TLE4: variants seen among roughly 807,000 people sequenced by gnomAD.
TLE4 encodes the protein TLE family member 4, transcriptional corepressor.
In TLE4, 8 loss-of-function variants were observed where a neutral mutation model predicts 92.8. The observed-to-expected ratio is 0.09, with a 90% CI of 0.05 to 0.16. The LOEUF (loss-of-function observed/expected upper bound fraction) is 0.16. Ranked by LOEUF, TLE4 falls within the 10% of genes least tolerant of loss-of-function variation. TLE4 has a pLI of 1.00. For missense variants in TLE4, 675 were observed against 997.6 expected, an observed-to-expected ratio of 0.68 and a Z score of 4.36; for synonymous variants, 371 against 374.1, an observed-to-expected ratio of 0.99 and a Z score of 0.10.
chr9:79,658,238 A>G (rs925498035), intron 8 of TLE4, among the ~76,000 whole-genome samples: 2 of 152,194 alleles, frequency 1.3e-5, no homozygotes, highest in Non-Finnish European at 2.9e-5. Context: ...TTTCCACACA[A>G]TCCGCCAATA....
At chr9:79,707,241 A>G (rs943345869) in intron 11 of TLE4, 4 of 1,593,898 alleles carry the variant, frequency 2.5e-6, no homozygotes, top group African/African-American at 1.3e-5. Context: ...TGGGGCTTGA[A>G]TGTGATTTTG....
intron 4 of TLE4, among the ~76,000 whole-genome samples, chr9:79,583,129 A>G (rs2040138718): frequency 6.6e-6 from 1 of 152,118 alleles, no homozygotes; most frequent in South Asian, 2.1e-4. Context: ...GGCATTCATC[A>G]CCACAAATCT....
chr9:79,699,862 G>T (rs1007140609), intron 8 of TLE4, among the ~76,000 whole-genome samples: 7 of 152,196 alleles, frequency 4.6e-5, no homozygotes, highest in African/African-American at 1.7e-4. Context: ...TATCGTGATT[G>T]TTGAAAGGAG....
intron 15 of TLE4, among the ~76,000 whole-genome samples, 186 bp from the exon 16 acceptor site, chr9:79,719,860 G>T (rs559720424): frequency 6.6e-6 from 1 of 152,298 alleles, no homozygotes; most frequent in South Asian, 2.1e-4. Context: ...ACATTTTGTA[G>T]ATCAACTTTA....
intron 8 of TLE4, among the ~76,000 whole-genome samples, chr9:79,704,347 T>C (rs1202583753): frequency 1.3e-5 from 2 of 152,280 alleles, no homozygotes; most frequent in East Asian, 3.9e-4. Context: ...CCTCCTGACC[T>C]TGTGATCTGC....
At chr9:79,587,970 T>C (rs2041569716) in intron 4 of TLE4, among the ~76,000 whole-genome samples, 1 of 152,136 alleles carries the variant, frequency 6.6e-6, no homozygotes, top group Non-Finnish European at 1.5e-5. Flanking sequence ...GAAACTAAGG[T>C]AAAGAGAAGC....
intron 2 of TLE4, chr9:79,574,108 C>G (rs2036891102): frequency 5.2e-6 from 1 of 192,708 alleles, no homozygotes; most frequent in African/African-American, 2.3e-5. Flanking sequence ...GGCCTTTTGA[C>G]ATCCTTGGTT....
chr9:79,620,682 T>C (rs895307497), intron 5 of TLE4, among the ~76,000 whole-genome samples: 11 of 152,298 alleles, frequency 7.2e-5, no homozygotes, highest in African/African-American at 1.4e-4. Flanking sequence ...AAGTAATATC[T>C]AATTTCTTGG....
intron 4 of TLE4, among the ~76,000 whole-genome samples, chr9:79,583,542 G>T (rs1226965513): frequency 1.3e-5 from 2 of 152,178 alleles, no homozygotes; most frequent in Admixed American, 6.5e-5. Flanking sequence ...GGGCCCTGTT[G>T]CTTGCAGCAA....
Position 79,709,603 on chromosome 9 carries a change from T to A in TLE4, c.1264-20T>A. 6.2e-7 allele frequency: 1 copy of A among 1,612,848 alleles called. No individual in the cohort carries two copies. Among genetic ancestry groups the A allele is most frequent in the Non-Finnish European group, 8.5e-7 (1 of 1,179,084 alleles). On this transcript the variant is annotated intron_variant, in intron 13 of 19. Coordinates refer to ENST00000376552, the MANE Select transcript of TLE4 (RefSeq NM_007005.6). ...ATGTAACTGTGCTTATTTCTGTTGT[T>A]TGCTTGGGAAAAATTCTAGGTGGGA...
At chr9:79,718,006 C>G in intron 14 of TLE4, 1 of 456,632 alleles carries the variant, frequency 2.2e-6, no homozygotes, top group Non-Finnish European at 4.4e-6. Context: ...GGACCAAATG[C>G]TTTTACCACC....
intron 4 of TLE4, among the ~76,000 whole-genome samples, chr9:79,600,792 C>T (rs151237467): frequency 5.3e-5 from 8 of 152,242 alleles, no homozygotes; most frequent in Admixed American, 4.6e-4. Context: ...TTAATAAGCA[C>T]GAACTCGTCT....
chr9:79,687,218 A>C (rs972160650), intron 8 of TLE4, among the ~76,000 whole-genome samples: 1 of 152,196 alleles, frequency 6.6e-6, no homozygotes, highest in African/African-American at 2.4e-5. Context: ...CGAGCTCACC[A>C]TGCTCCTCAC....
chr9:79,682,546 G>C (rs530354805), intron 8 of TLE4, among the ~76,000 whole-genome samples: 41 of 152,218 alleles, frequency 2.7e-4, no homozygotes, highest in Non-Finnish European at 5.1e-4. Flanking sequence ...AGGGGCCTGC[G>C]TTGTAGTAGT....
intron 6 of TLE4, 90 bp from the exon 7 acceptor site, chr9:79,652,503 C>T (rs985088510): frequency 4.0e-6 from 6 of 1,481,634 alleles, no homozygotes; most frequent in Non-Finnish European, 5.6e-6. Context: ...GGCTTTTTTA[C>T]TGCCGATTTA....
intron 6 of TLE4, among the ~76,000 whole-genome samples, chr9:79,633,188 T>C (rs1488132497): frequency 1.3e-5 from 2 of 152,162 alleles, no homozygotes; most frequent in Non-Finnish European, 2.9e-5. Flanking sequence ...AAGACTCTCA[T>C]ATATTTAAGT....
chr9:79,644,306 C>T (rs141014270), intron 6 of TLE4, among the ~76,000 whole-genome samples: 268 of 152,202 alleles, frequency 1.8e-3, no homozygotes, highest in Non-Finnish European at 2.9e-3. Flanking sequence ...CCTCCCCAGC[C>T]GTGCTTAACT....
At chr9:79,695,936 G>A (rs530356841) in intron 8 of TLE4, among the ~76,000 whole-genome samples, 5 of 152,310 alleles carry the variant, frequency 3.3e-5, no homozygotes, top group African/African-American at 1.2e-4. Context: ...GTGGGCAGGA[G>A]CTAGATGACA....
intron 5 of TLE4, among the ~76,000 whole-genome samples, chr9:79,617,577 A>G (rs1047927875): frequency 3.9e-5 from 6 of 152,192 alleles, no homozygotes; most frequent in African/African-American, 1.4e-4. Context: ...ATTCATTGGA[A>G]GAGGCACATT....
Sources: allele counts gnomAD v4.1 joint callset (sites outside exome capture counted in the v4.1 genomes callset), GRCh38; gene constraint gnomAD v4.1.1; transcripts MANE v1.5; gene names NCBI Gene and HGNC (gene_info 2026-07-23, HGNC 2026-07-21).